Variants in RNF31 observed in about 807,000 individuals in gnomAD.
RNF31 encodes ring finger protein 31.
In RNF31, 38 loss-of-function variants were observed where a neutral mutation model predicts 133.6. That is an observed-to-expected ratio of 0.28 (90% confidence interval 0.22 to 0.37). The LOEUF (loss-of-function observed/expected upper bound fraction) is 0.37, where lower values mean the gene tolerates loss of function less well. Ranked by LOEUF, RNF31 falls within the 10% of genes least tolerant of loss-of-function variation. The probability of loss-of-function intolerance (pLI) is 1.00; values close to 1 mark genes in which losing one functional copy is unlikely to be tolerated. For synonymous variants in RNF31, 582 were observed against 552.3 expected, an observed-to-expected ratio of 1.05 and a Z score of -0.75; for missense variants, 1,118 against 1,394.1, an observed-to-expected ratio of 0.80 and a Z score of 3.15.
Position 24,155,865 on chromosome 14 carries a change from G to A in RNF31, c.2493+173G>A, listed in dbSNP as rs549981079. On this transcript the variant is annotated intron_variant, in intron 14 of 20. Coordinates refer to ENST00000324103, the MANE Select transcript of RNF31 (RefSeq NM_017999.5). This position sits in a 1 kb window ranked among gnomAD's most constrained non-coding sequence, Gnocchi z 4.9. ...AAGGAGAAAGGGAAGCAGAGGGAGGGAGGAAATCGGGAGGGAAAGGAAAGG... is the reference window on the plus strand; with the variant it reads ...AAGGAGAAAGGGAAGCAGAGGGAGGAAGGAAATCGGGAGGGAAAGGAAAGG... 6.6e-6 allele frequency among the ~76,000 whole-genome samples: 1 copy of A among 152,258 alleles called. No individual in the cohort carries two copies. The highest frequency in any genetic ancestry group is 1.9e-4 in the East Asian group (1 of 5,186).
chr14:24,153,326 C>T (rs925074065), intron 11 of RNF31, among the ~76,000 whole-genome samples: 4 of 151,898 alleles, frequency 2.6e-5, no homozygotes, highest in Admixed American at 2.6e-4. Context: ...CGCCTGTCAT[C>T]CCTGCACTTT....
rs115115496 is a variant in RNF31, at chr14:24,159,851, C to A, written c.2900-13C>A. 1.9e-6 allele frequency: 3 copies of A among 1,610,216 alleles called. No homozygotes were observed. In the South Asian group the frequency reaches 3.3e-5, roughly 18 times the overall value. ...GCCTCCCAACAGAGGCTCCCTTCTT[C>A]CCTCACCTTTAGGCGGCTGCCGAGT... On this transcript the variant is annotated splice_polypyrimidine_tract_variant and intron_variant, in intron 18 of 20. Transcript: ENST00000324103.
At position 24,155,446 on chromosome 14, in the gene RNF31, G is replaced by A. The variant is rs771175940; in HGVS notation, c.2337G>A (p.Ala779=). 4.2e-5 allele frequency: 67 copies of A among 1,614,064 alleles called. No individual in the cohort carries two copies. The highest frequency in any genetic ancestry group is 3.3e-4 in the Middle Eastern group (2 of 6,084). The stretch of plus-strand genomic sequence containing the variant: ...AGAGCCTAGAGCCAGATGCCTATGC[G>A]TTGTTCCATAAGAAGCTGACCGAGG... ...LRESLEPDAY[A]LFHKKLTEGV... Residue 779 remains alanine (A), a synonymous_variant, in exon 13 of 21, where the codon GCG becomes GCA. Transcript: ENST00000324103. The surrounding 1 kb of genome is among the most constrained non-coding windows in gnomAD (Gnocchi z 4.9).
In RNF31 at chr14:24,149,420, C is replaced by A; in HGVS notation, c.646C>A (p.Pro216Thr). ...TPSVPGSTPG[P>T]CFLCGSAPGT... ...CTGCCCTCCAGGCTCCACTCCTGGT[C>A]CCTGCTTCCTCTGTGGTTCTGCCCC... Residue 216 changes from proline (P) to threonine (T), a missense_variant, in exon 6 of 21, where the codon CCC (proline) becomes ACC (threonine). Pro to Thr is a conservative substitution (Grantham distance 38). Coordinates refer to ENST00000324103, the MANE Select transcript of RNF31 (RefSeq NM_017999.5). The A allele has an allele frequency of 6.2e-7, 1 of 1,613,906 alleles. No homozygotes were observed. The highest frequency in any genetic ancestry group is 8.5e-7 in the Non-Finnish European group (1 of 1,179,806).
Position 24,160,098 on chromosome 14 carries a change from A to G in RNF31, c.2996+138A>G, listed in dbSNP as rs1566618395. The G allele has an allele frequency of 2.3e-6, 3 of 1,308,192 alleles. No individual in the cohort carries two copies. Among genetic ancestry groups the G allele is most frequent in the Non-Finnish European group, 3.2e-6 (3 of 939,290 alleles). The allele number at this position is 1,308,192 out of a possible 1,614,324, so 81.0% of individuals were successfully genotyped here. On this transcript the variant is annotated intron_variant, in intron 19 of 20. Transcript: ENST00000324103. This position sits in a 1 kb window ranked among gnomAD's most constrained non-coding sequence, Gnocchi z 4.0. ...GGGAGGAGGCTTTCTGGGCAAGGGC[A>G]TGGGTAGATAGTAGCAGGCAGTGTG...
Position 24,157,395 on chromosome 14 carries a change from A to G in RNF31, c.2599A>G (p.Asn867Asp). 4 of 1,609,352 alleles carry G rather than the reference A, an allele frequency of 2.5e-6. No individual in the cohort carries two copies. The highest frequency in any genetic ancestry group is 3.4e-6 in the Non-Finnish European group (4 of 1,176,242). ...AQGLAMYLQE[N>D]GIDCPKCKFS... Reference sequence around the variant, plus strand: ...GGGCCTAGCAATGTATCTTCAGGAAAACGGCATTGGTAAGGCCTCCCTACT... The same window carrying G: ...GGGCCTAGCAATGTATCTTCAGGAAGACGGCATTGGTAAGGCCTCCCTACT... The change falls in exon 15 of 21, where the codon AAC (asparagine) becomes GAC (aspartate). Residue 867 changes from asparagine (N) to aspartate (D), a missense_variant. Physicochemically the swap from Asn to Asp is conservative, Grantham distance 23. This residue lies in a region of RNF31 where 201 missense variants were observed against 371.7 expected (regional missense o/e 0.54). Transcript: ENST00000324103.
Position 24,148,085 on chromosome 14 carries a change from A to G in RNF31, c.302A>G (p.Asn101Ser). 1 of 1,614,252 alleles carries G rather than the reference A, an allele frequency of 6.2e-7. No homozygotes were observed. Among genetic ancestry groups the G allele is most frequent in the Non-Finnish European group, 8.5e-7 (1 of 1,180,050 alleles). The change falls in exon 2 of 21, where the codon AAT becomes AGT. Residue 101 changes from asparagine (N) to serine (S), a missense_variant. Asn to Ser is a conservative substitution (Grantham distance 46). Transcript: ENST00000324103. ...CGGTACTGGCGTGGTGTCAAGTTTA[A>G]TAACCCTGTCTTTCGCAGCACGGTG... is the stretch of plus-strand genomic sequence containing the variant. ...RPRYWRGVKF[N>S]NPVFRSTVDA...
In RNF31 at chr14:24,147,509, T is replaced by C. The variant is rs1399210443; in HGVS notation, c.-190T>C. ...TCCCACCCTCTCTCCTAGTACTTCC[T>C]GTTCTCGGCTAACCCTGGCGCTGGG... is the stretch of plus-strand genomic sequence containing the variant. On this transcript the variant is annotated 5_prime_UTR_variant, in exon 1 of 21. Transcript: ENST00000324103. 7 of 461,762 alleles carry C rather than the reference T, an allele frequency of 1.5e-5. No individual in the cohort carries two copies. The highest frequency in any genetic ancestry group is 5.4e-4 in the Middle Eastern group (1 of 1,840). The allele number at this position is 461,762 out of a possible 1,614,324, so 28.6% of individuals were successfully genotyped here.
At chr14:24,158,074 G>A (rs373315624) in intron 17 of RNF31, 63 bp downstream of exon 17, 62 of 1,611,348 alleles carry the variant, frequency 3.8e-5, no homozygotes, top group South Asian at 7.7e-5. Flanking sequence ...AAAAGGCTCC[G>A]TGCTAGGAAT....
In RNF31 at chr14:24,150,800, C is replaced by CA; in HGVS notation, c.1400_1401insA (p.Leu469ProfsTer9). On this transcript the variant is annotated frameshift_variant, in exon 8 of 21. Transcript: ENST00000324103. LOFTEE classifies it high-confidence loss of function. ...CCTGGGCCCCCACGACGCCTTAGTG[C>CA]CCCCCTGCCCAGTTCCTGTGGAGAT... 6.2e-7 allele frequency: 1 copy of CA among 1,604,678 alleles called. No individual in the cohort carries two copies. Among genetic ancestry groups the CA allele is most frequent in the Non-Finnish European group, 8.5e-7 (1 of 1,174,330 alleles).
chr14:24,149,370 T>C (rs1163641871), intron 5 of RNF31, 36 bp from the exon 6 acceptor site: 25 of 1,595,666 alleles, frequency 1.6e-5, no homozygotes, highest in African/African-American at 2.7e-5. Flanking sequence ...AGCCTGGTCT[T>C]TTTTGGAAAG....
At chr14:24,154,977 C>T in intron 11 of RNF31, 180 bp from the exon 12 acceptor site, 1 of 602,998 alleles carries the variant, frequency 1.7e-6, no homozygotes. Context: ...TATTTTCCTC[C>T]ACCCGACTGT....
chr14:24,157,201 G>A (rs2038353560), intron 14 of RNF31, 89 bp from the exon 15 acceptor site: 20 of 929,368 alleles, frequency 2.2e-5, no homozygotes, highest in East Asian at 1.0e-4. Context: ...ACCAAGCTGG[G>A]GAACCACTGG....
intron 18 of RNF31, 69 bp from the exon 19 acceptor site, chr14:24,159,795 A>G (rs79711951): frequency 1.6e-6 from 2 of 1,258,018 alleles, no homozygotes; most frequent in Admixed American, 1.8e-5. Context: ...TGCCTTGTGG[A>G]TATCCCAGTT....
intron 18 of RNF31, among the ~76,000 whole-genome samples, chr14:24,159,525 A>T (rs1343214223): frequency 2.0e-5 from 3 of 151,310 alleles, no homozygotes; most frequent in Non-Finnish European, 2.9e-5. Flanking sequence ...AAATAAAAAT[A>T]AAAAAAAGAG....
rs758763901 is a variant in RNF31 at position 24,160,397 on chromosome 14, G to A, written c.3155G>A (p.Arg1052His). ...AGEDPPAYQA[R>H]LLQKLTEEVP... ...GAGGATCCCCCTGCTTACCAGGCCC[G>A]CTTGTTACAGGTATAGCCTCCACCC... Residue 1052 changes from arginine (R) to histidine (H), a missense_variant, in exon 20 of 21, where the codon CGC (arginine) becomes CAC (histidine). Transcript: ENST00000324103. The surrounding 1 kb of genome is among the most constrained non-coding windows in gnomAD (Gnocchi z 4.0). 1.7e-5 allele frequency: 28 copies of A among 1,613,876 alleles called. No homozygotes were observed. In the South Asian group the frequency reaches 1.9e-4, roughly 11 times the overall value.
intron 11 of RNF31, 122 bp downstream of exon 11, chr14:24,152,114 G>T (rs371823422): frequency 3.2e-6 from 3 of 939,234 alleles, no homozygotes; most frequent in Admixed American, 5.8e-5. Context: ...ACCCCTGAAG[G>T]CTCCTGGGAG....
intron 11 of RNF31, among the ~76,000 whole-genome samples, chr14:24,153,445 C>T (rs891036210): frequency 1.3e-5 from 2 of 151,858 alleles, no homozygotes; most frequent in Non-Finnish European, 1.5e-5. Flanking sequence ...GGCGTGGTGG[C>T]GTGCACCTGT....
chr14:24,150,496 C>T (rs537781014), intron 7 of RNF31, 48 bp downstream of exon 7: 1 of 1,578,560 alleles, frequency 6.3e-7, no homozygotes, highest in South Asian at 1.2e-5. Flanking sequence ...CAGGCATTCT[C>T]TTCCCTATCC....
Sources: allele counts gnomAD v4.1 joint callset (sites outside exome capture counted in the v4.1 genomes callset), GRCh38; gene constraint gnomAD v4.1.1; regional missense constraint gnomAD v4.1.1; non-coding constraint Gnocchi (gnomAD v3.1); transcripts MANE v1.5; gene names NCBI Gene and HGNC (gene_info 2026-07-23, HGNC 2026-07-21).